The following CFAP299 variants were observed in gnomAD, a reference collection of about 807,000 sequenced individuals.
CFAP299 encodes cilia- and flagella-associated protein 299.
A neutral mutation model predicts 27.0 loss-of-function variants in CFAP299; 21 were observed. The observed-to-expected ratio is 0.78, with a 90% CI of 0.55 to 1.12. The LOEUF is 1.12. Ranked by LOEUF, CFAP299 falls within the 50% of genes most tolerant of loss-of-function variation. CFAP299 has a pLI of 0.00. For synonymous variants in CFAP299, 104 were observed against 98.1 expected (o/e 1.06, Z -0.36); for missense variants, 310 against 276.6 (o/e 1.12, Z -0.86).
At chr4:80,384,405 T>C (rs1428664436) in intron 2 of CFAP299, among the ~76,000 whole-genome samples, 1 of 152,188 alleles carries the variant, frequency 6.6e-6, no homozygotes, top group Non-Finnish European at 1.5e-5. Flanking sequence ...AAGCCAATCT[T>C]GAGTTTATGA....
intron 1 of CFAP299, among the ~76,000 whole-genome samples, chr4:80,348,845 G>A (rs1207401777): frequency 1.3e-5 from 2 of 152,146 alleles, no homozygotes; most frequent in African/African-American, 2.4e-5. Flanking sequence ...CTTTATTTCA[G>A]GTGTCTAAAG....
chr4:80,721,030 T>C (rs1722779249), intron 3 of CFAP299, among the ~76,000 whole-genome samples: 1 of 152,076 alleles, frequency 6.6e-6, no homozygotes, highest in South Asian at 2.1e-4. Flanking sequence ...AAAATGATTA[T>C]TCAAGAATTA....
intron 3 of CFAP299, among the ~76,000 whole-genome samples, chr4:80,665,310 A>T (rs532961514): frequency 6.6e-6 from 1 of 152,312 alleles, no homozygotes; most frequent in South Asian, 2.1e-4. Flanking sequence ...CTCTTTTATG[A>T]TTACTCCTCA....
chr4:80,809,291 G>T (rs1387424690), intron 3 of CFAP299, among the ~76,000 whole-genome samples: 1 of 152,122 alleles, frequency 6.6e-6, no homozygotes, highest in Non-Finnish European at 1.5e-5. Flanking sequence ...TGTTGATAGC[G>T]TATTATAGCT....
chr4:80,859,336 C>T (rs1318060430), intron 3 of CFAP299, among the ~76,000 whole-genome samples: 5 of 152,170 alleles, frequency 3.3e-5, no homozygotes, highest in Non-Finnish European at 1.5e-5. Flanking sequence ...CTGAAAACAA[C>T]ACACTGATGG....
At chr4:80,425,653 C>G (rs1727496539) in intron 2 of CFAP299, among the ~76,000 whole-genome samples, 2 of 152,190 alleles carry the variant, frequency 1.3e-5, no homozygotes, top group South Asian at 4.1e-4. Flanking sequence ...TTGCCTTTAG[C>G]AAGCCTCCGA....
Position 80,660,385 on chromosome 4 carries a change from G to A in CFAP299, c.333+77202G>A, listed in dbSNP as rs563096174. Among the ~76,000 whole-genome samples, 77 of 152,236 alleles carry A rather than the reference G, an allele frequency of 5.1e-4. 1 individual carries two copies. The highest frequency in any genetic ancestry group is 1.8e-3 in the African/African-American group (73 of 41,560). ...TCAAACCAACTATAAGAAATAGACA[G>A]TCAATGAAATGTTAATAAAGGTGAA... On this transcript the variant is annotated intron_variant, in intron 3 of 5. Coordinates refer to ENST00000358105, the MANE Select transcript of CFAP299 (RefSeq NM_152770.3).
intron 4 of CFAP299, chr4:80,870,903 T>A (rs1733045770): frequency 3.1e-6 from 3 of 981,752 alleles, no homozygotes; most frequent in South Asian, 9.4e-5. Context: ...ATCCATCACC[T>A]TTTTTTGATT....
At chr4:80,673,495 A>C (rs758420681) in intron 3 of CFAP299, among the ~76,000 whole-genome samples, 2 of 149,066 alleles carry the variant, frequency 1.3e-5, no homozygotes, top group Admixed American at 6.6e-5. Flanking sequence ...TGTTGATTTG[A>C]GGTGGAGAGT....
At chr4:80,880,450 G>A (rs890528327) in intron 4 of CFAP299, among the ~76,000 whole-genome samples, 3 of 152,068 alleles carry the variant, frequency 2.0e-5, no homozygotes, top group Non-Finnish European at 4.4e-5. Context: ...AAATATAATC[G>A]TCCAGGTGTA....
At chr4:80,736,736 A>C (rs1723906876) in intron 3 of CFAP299, among the ~76,000 whole-genome samples, 1 of 152,216 alleles carries the variant, frequency 6.6e-6, no homozygotes, top group South Asian at 2.1e-4. Context: ...TAGTTCAACC[A>C]CTGTGGAAGT....
intron 3 of CFAP299, among the ~76,000 whole-genome samples, chr4:80,781,435 T>A (rs1409872965): frequency 2.6e-5 from 4 of 152,090 alleles, no homozygotes; most frequent in Non-Finnish European, 2.9e-5. Flanking sequence ...TATAATATTC[T>A]ACAAGAGTAA....
intron 2 of CFAP299, among the ~76,000 whole-genome samples, chr4:80,439,670 T>C (rs1430168748): frequency 6.6e-6 from 1 of 152,204 alleles, no homozygotes; most frequent in East Asian, 1.9e-4. Context: ...ACCCCAGTGG[T>C]GCCTGGAATG....
chr4:80,364,810 ATG>A (rs1387492830), intron 2 of CFAP299, among the ~76,000 whole-genome samples: 1 of 152,172 alleles, frequency 6.6e-6, no homozygotes, highest in East Asian at 1.9e-4. Context: ...TGTCCTGTCT[ATG>A]TGTTCTCATC....
intron 2 of CFAP299, among the ~76,000 whole-genome samples, chr4:80,541,050 G>T (rs1733972594): frequency 6.6e-6 from 1 of 152,072 alleles, no homozygotes; most frequent in Non-Finnish European, 1.5e-5. Flanking sequence ...GCTACAAAAA[G>T]AGAAATTTGC....
At chr4:80,610,199 C>CA (rs1560654399) in intron 3 of CFAP299, among the ~76,000 whole-genome samples, 57 of 147,514 alleles carry the variant, frequency 3.9e-4, no homozygotes, top group Admixed American at 1.4e-3. Flanking sequence ...GATAAATGCT[C>CA]TAAAAAAAAT....
At chr4:80,364,251 A>G (rs1200536649) in intron 2 of CFAP299, among the ~76,000 whole-genome samples, 1 of 152,144 alleles carries the variant, frequency 6.6e-6, no homozygotes, top group Non-Finnish European at 1.5e-5. Context: ...AACTGCCTCC[A>G]TGTTCAGTTT....
Position 80,898,572 on chromosome 4 carries a change from C to T in CFAP299, c.476+28437C>T, listed in dbSNP as rs115812840. The stretch of plus-strand genomic sequence containing the variant: ...TTTTGGGCCATGATATCAGGCTTTT[C>T]GGCTTGAGGGTGGGTCCCTAGCTGG... On this transcript the variant is annotated intron_variant, in intron 4 of 5. Coordinates refer to ENST00000358105, the MANE Select transcript of CFAP299 (RefSeq NM_152770.3). Among the ~76,000 whole-genome samples, 448 of 152,014 alleles carry T rather than the reference C, an allele frequency of 2.9e-3. 1 individual carries two copies. Among genetic ancestry groups the T allele is most frequent in the African/African-American group, 0.01 (421 of 41,492 alleles).
chr4:80,618,129 C>T (rs1300065516), intron 3 of CFAP299, among the ~76,000 whole-genome samples: 3 of 152,006 alleles, frequency 2.0e-5, no homozygotes, highest in East Asian at 1.9e-4. Flanking sequence ...TAATGAAACC[C>T]TGATAGCATA....
Sources: allele counts gnomAD v4.1 joint callset (sites outside exome capture counted in the v4.1 genomes callset), GRCh38; gene constraint gnomAD v4.1.1; transcripts MANE v1.5; gene names NCBI Gene and HGNC (gene_info 2026-07-23, HGNC 2026-07-21).